The following ZEB2 variants were observed in gnomAD, a reference collection of about 807,000 sequenced individuals.
ZEB2 encodes zinc finger E-box binding homeobox 2.
A neutral mutation model predicts 99.9 loss-of-function variants in ZEB2; 6 were observed. The observed-to-expected ratio is 0.06, with a 90% CI of 0.03 to 0.12. ZEB2 has a LOEUF of 0.12. Among genes scored for constraint, ZEB2 ranks in the 10% least tolerant of loss-of-function variants. The pLI is 1.00. For synonymous variants in ZEB2, 517 were observed against 542.5 expected (o/e 0.95, Z 0.65); for missense variants, 969 against 1,502.8 (o/e 0.64, Z 5.87).
chr2:144,471,210 C>G (rs1168908319), intron 2 of ZEB2, among the ~76,000 whole-genome samples: 1 of 152,114 alleles, frequency 6.6e-6, no homozygotes, highest in Non-Finnish European at 1.5e-5. Context: ...AAAGAGTTAA[C>G]TAGTTAAACT....
At chr2:144,392,032 T>G (rs1703160631) in intron 9 of ZEB2, among the ~76,000 whole-genome samples, 1 of 152,226 alleles carries the variant, frequency 6.6e-6, no homozygotes, top group Non-Finnish European at 1.5e-5. Context: ...CATGTTATTC[T>G]TATTCATTAA....
chr2:144,490,074 C>T, intron 2 of ZEB2, among the ~76,000 whole-genome samples: 1 of 152,152 alleles, frequency 6.6e-6, no homozygotes. Flanking sequence ...GTTTCCTGAT[C>T]AGTAAGCAGA....
In ZEB2 at chr2:144,399,072, G is replaced by A. The variant is rs1356643964; in HGVS notation, c.2115C>T (p.Ser705=). The A allele has an allele frequency of 6.2e-7, 1 of 1,614,144 alleles. No homozygotes were observed. The highest frequency in any genetic ancestry group is 8.5e-7 in the Non-Finnish European group (1 of 1,180,012). Residue 705 remains serine (S), a synonymous_variant, in exon 8 of 10, where the codon TCC becomes TCT. Coordinates refer to ENST00000627532, the MANE Select transcript of ZEB2 (RefSeq NM_014795.4). The surrounding 1 kb of genome is among the most constrained non-coding windows in gnomAD (Gnocchi z 5.6). ...RKVYQYSNSR[S]PSLERSSKPL... ...GCTTGGAGCTTCTTTCCAGGGATGG[G>A]GACCTGGAATTTGAGTACTGGTAGA...
chr2:144,464,198 G>A (rs1704239973), intron 2 of ZEB2: 1 of 152,112 alleles, frequency 6.6e-6, no homozygotes, highest in Non-Finnish European at 1.5e-5. Context: ...GCTTGATATT[G>A]TCTTGTTGGT....
intron 9 of ZEB2, 107 bp downstream of exon 9, chr2:144,396,305 G>T: frequency 7.2e-7 from 1 of 1,380,688 alleles, no homozygotes; most frequent in Non-Finnish European, 1.0e-6. Context: ...CCTTGTTGAA[G>T]GTATCAGCAT....
intron 1 of ZEB2, chr2:144,518,200 C>G (rs1465920221): frequency 3.3e-5 from 5 of 150,468 alleles, no homozygotes; most frequent in African/African-American, 1.2e-4. Flanking sequence ...TTTTTTTTCC[C>G]TTAAGAAAGG....
Position 144,404,039 on chromosome 2 carries a change from C to T in ZEB2, c.684G>A (p.Glu228=), listed in dbSNP as rs766427604. 1 of 1,614,008 alleles carries T rather than the reference C, an allele frequency of 6.2e-7. No individual in the cohort carries two copies. The highest frequency in any genetic ancestry group is 1.7e-5 in the Admixed American group (1 of 60,004). The part of the protein sequence containing the change: ...RGYKRLTSLK[E]HIKYRHEKNE... ...TCTTCTCGTGGCGGTACTTGATGTG[C>T]TCCTTCAGTGATGTCAAGCGCTTGT... Residue 228 remains glutamate (E), a synonymous_variant, in exon 6 of 10, where the codon GAG becomes GAA. Transcript: ENST00000627532.
chr2:144,517,863 A>C, intron 1 of ZEB2: 3 of 496,816 alleles, frequency 6.0e-6, no homozygotes, highest in Non-Finnish European at 1.1e-5. Context: ...GAAACAAACA[A>C]ACAAACAACG....
intron 5 of ZEB2, 43 bp downstream of exon 5, chr2:144,404,793 T>C: frequency 6.9e-6 from 11 of 1,603,684 alleles, no homozygotes; most frequent in Non-Finnish European, 8.5e-6. Context: ...TTGTAACAGC[T>C]GCAGAGGTCA....
chr2:144,413,228 G>A (rs1703488977), intron 4 of ZEB2, among the ~76,000 whole-genome samples: 1 of 152,124 alleles, frequency 6.6e-6, no homozygotes, highest in Admixed American at 6.5e-5. Flanking sequence ...CAGATTAAGA[G>A]AAAATATTTT....
chr2:144,463,166 G>A (rs1286948097), intron 2 of ZEB2: 1 of 152,112 alleles, frequency 6.6e-6, no homozygotes, highest in East Asian at 1.9e-4. Flanking sequence ...CAAAGCAAAT[G>A]GTGGCTATCG....
At chr2:144,479,604 A>C (rs1178256404) in intron 2 of ZEB2, among the ~76,000 whole-genome samples, 5 of 137,474 alleles carry the variant, frequency 3.6e-5, no homozygotes, top group Admixed American at 2.6e-4. Context: ...GGCATGCTCC[A>C]AAGCAGGCTT....
chr2:144,504,857 A>AT (rs1323691096), intron 2 of ZEB2, among the ~76,000 whole-genome samples: 2 of 152,186 alleles, frequency 1.3e-5, no homozygotes, highest in Non-Finnish European at 2.9e-5. Context: ...GAGTAAATGA[A>AT]TATTTCATTA....
chr2:144,452,283 C>T (rs1560630081), intron 2 of ZEB2, among the ~76,000 whole-genome samples: 1 of 151,890 alleles, frequency 6.6e-6, no homozygotes, highest in South Asian at 2.1e-4. Flanking sequence ...TACCACATGC[C>T]ACAAATCTGT....
At chr2:144,459,899 G>A (rs1236486272) in intron 2 of ZEB2, among the ~76,000 whole-genome samples, 4 of 152,128 alleles carry the variant, frequency 2.6e-5, no homozygotes, top group Admixed American at 2.6e-4. Flanking sequence ...AAACAGGCTC[G>A]TAGATTTTAA....
chr2:144,476,090 A>G (rs1704426011), intron 2 of ZEB2, among the ~76,000 whole-genome samples: 1 of 152,122 alleles, frequency 6.6e-6, no homozygotes, highest in African/African-American at 2.4e-5. Flanking sequence ...TGTGGAACTT[A>G]GTTTACTTAC....
Position 144,449,454 on chromosome 2 carries a change from A to T in ZEB2, c.74-19428T>A, listed in dbSNP as rs144557049. On this transcript the variant is annotated intron_variant, in intron 2 of 9. Coordinates refer to ENST00000627532, the MANE Select transcript of ZEB2 (RefSeq NM_014795.4). ...ACTCCAGTAACACCCCTCATCCCTA[A>T]AAAACAACAATGCTAACAAAACCCA... Among the ~76,000 whole-genome samples, 151 of 152,340 alleles carry T rather than the reference A, an allele frequency of 9.9e-4. 2 individuals are homozygous for T. Among genetic ancestry groups the T allele is most frequent in the African/African-American group, 3.5e-3 (146 of 41,584 alleles).
Position 144,399,091 on chromosome 2 carries a change from T to C in ZEB2, c.2096A>G (p.Gln699Arg). ...KEWFEQRKVYQYSNSRSPSLE... is the reference protein window; with the variant it reads ...KEWFEQRKVYRYSNSRSPSLE... ...GGATGGGGACCTGGAATTTGAGTAC[T>C]GGTAGACTTTTCGTTGTTCAAACCA... The change falls in exon 8 of 10, where the codon CAG becomes CGG. Residue 699 changes from glutamine to arginine, a missense_variant. Physicochemically the swap from Gln to Arg is conservative, Grantham distance 43 (BLOSUM62 1). Coordinates refer to ENST00000627532, the MANE Select transcript of ZEB2 (RefSeq NM_014795.4). The surrounding 1 kb of genome is among the most constrained non-coding windows in gnomAD (Gnocchi z 5.6). The C allele has an allele frequency of 1.2e-6, 2 of 1,614,170 alleles. No individual in the cohort carries two copies.
chr2:144,461,118 C>T (rs1704188153), intron 2 of ZEB2: 1 of 144,216 alleles, frequency 6.9e-6, no homozygotes, highest in Non-Finnish European at 1.5e-5. Flanking sequence ...TTTTATCACA[C>T]TCCTAAAACC....
Sources: gnomAD v4.1 joint callset for allele counts (sites outside exome capture counted in the v4.1 genomes callset) on GRCh38, gnomAD v4.1.1 for gene constraint, Gnocchi (gnomAD v3.1) non-coding constraint, MANE v1.5 for transcripts, NCBI Gene and HGNC (gene_info 2026-07-23, HGNC 2026-07-21) for gene names.